DPP6: variants seen among roughly 807,000 people sequenced by gnomAD.
DPP6 encodes A-type potassium channel modulatory protein DPP6.
In DPP6, 69 loss-of-function variants were observed where a neutral mutation model predicts 122.6. The ratio of observed to expected loss-of-function variants is 0.56; its 90% CI spans 0.46 to 0.69. The LOEUF (loss-of-function observed/expected upper bound fraction) is 0.69, where lower values mean the gene tolerates loss of function less well. Among genes scored for constraint, DPP6 ranks in the 30% least tolerant of loss-of-function variants. The pLI, the probability that DPP6 is intolerant of heterozygous loss-of-function variation, is 0.00. For synonymous variants in DPP6, 418 were observed against 433.1 expected (o/e 0.97, Z 0.43); for missense variants, 928 against 1,116.9 (o/e 0.83, Z 2.41).
At chr7:154,211,419 A>G (rs1332188418) in intron 1 of DPP6, among the ~76,000 whole-genome samples, 2 of 152,182 alleles carry the variant, frequency 1.3e-5, no homozygotes, top group African/African-American at 4.8e-5. Context: ...CCTCACGTCC[A>G]TCTCCATGTT....
intron 1 of DPP6, among the ~76,000 whole-genome samples, chr7:153,966,588 A>C (rs1230166545): frequency 2.5e-4 from 2 of 8,040 alleles, no homozygotes; most frequent in South Asian, 8.8e-3. Context: ...TTTTTTTTTT[A>C]CTGCATATAG....
intron 10 of DPP6, among the ~76,000 whole-genome samples, chr7:154,774,495 T>C (rs150653038): frequency 4.9e-4 from 74 of 152,336 alleles, no homozygotes; most frequent in Non-Finnish European, 5.6e-4. Flanking sequence ...TTCCACAGGC[T>C]TGATTAGCTT....
rs769833828 is a variant in DPP6, at chr7:154,761,481, C to T, written c.884-7936C>T. ...CCTGTGTGAGGCCGTTCTTGCATTG[C>T]GATAAAGAAATCCCCGAGACTGGGT... On this transcript the variant is annotated intron_variant, in intron 8 of 25. Transcript: ENST00000377770. 5.3e-5 allele frequency among the ~76,000 whole-genome samples: 8 copies of T among 151,344 alleles called. No individual in the cohort carries two copies. The East Asian group carries it at 5.8e-4, about 11-fold the overall frequency.
chr7:154,544,333 G>A (rs1222958742), intron 4 of DPP6, among the ~76,000 whole-genome samples: 2 of 151,994 alleles, frequency 1.3e-5, no homozygotes. Flanking sequence ...TCAAATAAAA[G>A]CACAGTTGTC....
At chr7:154,558,508 A>G (rs1361605765) in intron 4 of DPP6, among the ~76,000 whole-genome samples, 1 of 152,246 alleles carries the variant, frequency 6.6e-6, no homozygotes, top group East Asian at 1.9e-4. Context: ...ATCTTAGTCA[A>G]CAATGGATGT....
At chr7:154,709,900 G>T (rs1841072145) in intron 7 of DPP6, among the ~76,000 whole-genome samples, 1 of 152,170 alleles carries the variant, frequency 6.6e-6, no homozygotes, top group Admixed American at 6.5e-5. Context: ...TATGTCAGGG[G>T]CCTGACACCT....
At chr7:154,188,778 A>T (rs1279836600) in intron 1 of DPP6, among the ~76,000 whole-genome samples, 2 of 152,242 alleles carry the variant, frequency 1.3e-5, no homozygotes, top group Non-Finnish European at 2.9e-5. Context: ...TATGTACTTA[A>T]ATATGCAAAC....
intron 1 of DPP6, among the ~76,000 whole-genome samples, chr7:153,982,669 T>C (rs1796645621): frequency 6.6e-6 from 1 of 152,176 alleles, no homozygotes; most frequent in African/African-American, 2.4e-5. Context: ...TTTTTCCTCC[T>C]CTTCATGGAT....
chr7:154,350,249 A>G (rs1322480426), intron 1 of DPP6, among the ~76,000 whole-genome samples: 1 of 152,166 alleles, frequency 6.6e-6, no homozygotes, highest in Non-Finnish European at 1.5e-5. Flanking sequence ...CAGGGGAAAC[A>G]GTTTGATCTG....
chr7:153,850,144 C>T, the DPP6 span, among the ~76,000 whole-genome samples: 1 of 152,080 alleles, frequency 6.6e-6, no homozygotes, highest in Admixed American at 6.5e-5. Context: ...TTTCTGTGGT[C>T]GGGAGTCCAG....
In DPP6 at chr7:154,727,855, T is replaced by G; in HGVS notation, c.851T>G (p.Ile284Ser). Residue 284 changes from isoleucine (I) to serine (S), a missense_variant, in exon 8 of 26, where the codon ATT (isoleucine) becomes AGT (serine). By Grantham distance (142) the Ile-to-Ser change is moderately radical. Coordinates refer to ENST00000377770, the MANE Select transcript of DPP6 (RefSeq NM_130797.4). ...RVVSTGKEGVIYNGLSDWLYE... is the reference protein window; with the variant it reads ...RVVSTGKEGVSYNGLSDWLYE... ...GTCTCCACTGGCAAGGAAGGTGTGA[T>G]TTACAATGGCCTCAGTGACTGGCTG... 1 of 1,613,814 alleles carries G rather than the reference T, an allele frequency of 6.2e-7. No individual in the cohort carries two copies. The highest frequency in any genetic ancestry group is 8.5e-7 in the Non-Finnish European group (1 of 1,179,786).
chr7:153,932,712 C>T (rs998983110), intron 1 of DPP6, among the ~76,000 whole-genome samples: 1 of 152,116 alleles, frequency 6.6e-6, no homozygotes, highest in African/African-American at 2.4e-5. Context: ...ATACAGAATG[C>T]ATAACATTCA....
intron 1 of DPP6, among the ~76,000 whole-genome samples, chr7:153,939,934 G>A (rs1368382192): frequency 1.3e-5 from 2 of 152,190 alleles, no homozygotes; most frequent in Non-Finnish European, 2.9e-5. Context: ...AGCTAAAGTC[G>A]AGAAACATGC....
intron 1 of DPP6, among the ~76,000 whole-genome samples, chr7:154,056,742 T>A (rs1800852443): frequency 6.6e-6 from 1 of 152,244 alleles, no homozygotes; most frequent in Non-Finnish European, 1.5e-5. Context: ...AACCCATTTT[T>A]TTCCTCCACC....
chr7:153,852,304 C>T, the DPP6 span, among the ~76,000 whole-genome samples: 5 of 151,988 alleles, frequency 3.3e-5, no homozygotes, highest in East Asian at 1.9e-4. Flanking sequence ...TAATTGTCCC[C>T]GAGTTCTATA....
rs563144533 is a variant in DPP6, at chr7:154,075,263, A to G, written c.243+22200A>G. On this transcript the variant is annotated intron_variant, in intron 1 of 25. Coordinates refer to ENST00000377770, the MANE Select transcript of DPP6 (RefSeq NM_130797.4). Reference sequence around the variant, plus strand: ...CAGTGTGGAGATTCCTTAAAGAACTAAAAGTAGATCTACCATTTGATCCAG... The same window carrying G: ...CAGTGTGGAGATTCCTTAAAGAACTGAAAGTAGATCTACCATTTGATCCAG... Among the ~76,000 whole-genome samples, 30 of 152,108 alleles carry G rather than the reference A, an allele frequency of 2.0e-4. No individual in the cohort carries two copies. In the East Asian group the frequency reaches 5.8e-3, roughly 30 times the overall value.
At chr7:154,741,986 C>A (rs1161557494) in intron 8 of DPP6, among the ~76,000 whole-genome samples, 1 of 152,250 alleles carries the variant, frequency 6.6e-6, no homozygotes, top group Non-Finnish European at 1.5e-5. Context: ...GTGGCCCACA[C>A]AGTCCTCATT....
At position 153,973,143 on chromosome 7, in the gene DPP6, A is replaced by C. The variant is rs1306496897; in HGVS notation, c.51+85409A>C. ...AAAATTTTTTAGTGAAAAGTGTGGA[A>C]AGAAAAAAAAACTACAATAAAACGG... On this transcript the variant is annotated intron_variant, in intron 1 of 25. Transcript: ENST00000404039. Among the ~76,000 whole-genome samples, 10 of 152,004 alleles carry C rather than the reference A, an allele frequency of 6.6e-5. No individual in the cohort carries two copies. The East Asian group carries it at 1.9e-3, about 29-fold the overall frequency.
upstream of DPP6, among the ~76,000 whole-genome samples, chr7:154,052,142 G>A (rs563902632): frequency 2.5e-4 from 38 of 151,150 alleles, 1 homozygote; most frequent in African/African-American, 8.4e-4. The surrounding 1 kb of genome is among the most constrained non-coding windows in gnomAD (Gnocchi z 4.8). Context: ...CTTCGGTGGG[G>A]CCGCAGCACC....
Sources: allele counts gnomAD v4.1 joint callset (sites outside exome capture counted in the v4.1 genomes callset), GRCh38; gene constraint gnomAD v4.1.1; non-coding constraint Gnocchi (gnomAD v3.1); transcripts MANE v1.5; gene names NCBI Gene and HGNC (gene_info 2026-07-23, HGNC 2026-07-21).